BACH2: variants seen among roughly 807,000 people sequenced by gnomAD.
The protein encoded by BACH2 is BACH transcriptional regulator 2, also known as transcription regulator protein BACH2.
A neutral mutation model predicts 61.8 loss-of-function variants in BACH2; 5 were observed. The ratio of observed to expected loss-of-function variants is 0.08; its 90% confidence interval spans 0.04 to 0.17. BACH2 has a LOEUF of 0.17. Among genes scored for constraint, BACH2 ranks in the 10% least tolerant of loss-of-function variants. The pLI is 1.00. For missense variants in BACH2, 824 were observed against 1,091.1 expected (o/e 0.76, Z 3.45); for synonymous variants, 446 against 440.1 (o/e 1.01, Z -0.17).
intron 6 of BACH2, among the ~76,000 whole-genome samples, chr6:89,966,029 G>T (rs1775029342): frequency 6.6e-6 from 1 of 152,192 alleles, no homozygotes; most frequent in Non-Finnish European, 1.5e-5. Context: ...AAATTCTGAA[G>T]ATGTATGTAT....
chr6:90,230,351 C>T lies in BACH2; in HGVS notation c.-275+22162G>A, dbSNP rs140609157. Among the ~76,000 whole-genome samples, 3 of 152,318 alleles carry T rather than the reference C, an allele frequency of 2.0e-5. No homozygotes were observed. The East Asian group carries it at 5.8e-4, about 29-fold the overall frequency. On this transcript the variant is annotated intron_variant, in intron 3 of 8. Coordinates refer to ENST00000257749, the MANE Select transcript of BACH2 (RefSeq NM_021813.4). ...CATAGCAAATGTTCAATTTTAATCA[C>T]ATGCATCATACCTATACATGTGTAC...
intron 4 of BACH2, chr6:90,116,934 C>T (rs1445359597): frequency 9.1e-6 from 4 of 440,068 alleles, no homozygotes; most frequent in Non-Finnish European, 1.2e-5. Flanking sequence ...TGTCCAAGTA[C>T]ATGTGCAGCT....
chr6:90,189,627 A>G (rs2127844191), intron 4 of BACH2, among the ~76,000 whole-genome samples: 1 of 150,866 alleles, frequency 6.6e-6, no homozygotes, highest in South Asian at 2.1e-4. Context: ...AAAAAAAAAA[A>G]AAAAAAAAAA....
intron 4 of BACH2, among the ~76,000 whole-genome samples, chr6:90,167,263 G>C (rs761936098): frequency 1.4e-4 from 22 of 152,314 alleles, no homozygotes; most frequent in Middle Eastern, 6.8e-3. Context: ...AAACTAGTTA[G>C]TGAACCAAGG....
intron 5 of BACH2, among the ~76,000 whole-genome samples, chr6:90,066,973 A>G (rs927011056): frequency 6.6e-6 from 1 of 152,228 alleles, no homozygotes; most frequent in Non-Finnish European, 1.5e-5. Flanking sequence ...TATAGAAAGG[A>G]TGGGTGACGT....
intron 4 of BACH2, among the ~76,000 whole-genome samples, chr6:90,180,361 TA>T (rs1768117198): frequency 6.6e-6 from 1 of 152,214 alleles, no homozygotes; most frequent in Non-Finnish European, 1.5e-5. Context: ...ATTATGAACT[TA>T]AAATTGCACT....
At chr6:90,177,149 T>C (rs1330175163) in intron 4 of BACH2, among the ~76,000 whole-genome samples, 3 of 152,232 alleles carry the variant, frequency 2.0e-5, no homozygotes, top group Admixed American at 6.5e-5. Flanking sequence ...CAACACTTCA[T>C]TCTGAAGCCT....
At chr6:90,081,814 C>T (rs1213805498) in intron 5 of BACH2, among the ~76,000 whole-genome samples, 2 of 152,126 alleles carry the variant, frequency 1.3e-5, no homozygotes, top group African/African-American at 4.8e-5. Context: ...GATGAATCTT[C>T]TAACAATTCC....
intron 4 of BACH2, among the ~76,000 whole-genome samples, chr6:90,147,442 G>A (rs184466450): frequency 7.2e-5 from 11 of 152,190 alleles, no homozygotes; most frequent in East Asian, 5.8e-4. Flanking sequence ...ACATGCTGCC[G>A]TAACAGTACA....
chr6:90,110,552 T>C (rs1459439609), intron 4 of BACH2, among the ~76,000 whole-genome samples: 2 of 152,214 alleles, frequency 1.3e-5, no homozygotes, highest in African/African-American at 4.8e-5. Context: ...CTTAATGTAT[T>C]GGGAAGTTAT....
intron 6 of BACH2, among the ~76,000 whole-genome samples, chr6:89,958,736 A>C (rs1383282158): frequency 1.3e-5 from 2 of 152,164 alleles, no homozygotes; most frequent in African/African-American, 4.8e-5. Context: ...TAGAGGAGGT[A>C]ACACTTGCCA....
intron 2 of BACH2, among the ~76,000 whole-genome samples, chr6:90,264,653 T>C (rs1026831785): frequency 2.0e-5 from 3 of 152,354 alleles, no homozygotes; most frequent in Non-Finnish European, 4.4e-5. Context: ...AGACATGATG[T>C]TGACTCAATT....
chr6:90,092,291 A>AATATAT (rs1167228249), intron 4 of BACH2, among the ~76,000 whole-genome samples: 1 of 113,836 alleles, frequency 8.8e-6, no homozygotes, highest in African/African-American at 3.6e-5. Context: ...AAAAAAAAAA[A>AATATAT]ATATATATAT....
chr6:90,122,473 C>G (rs956728684), intron 4 of BACH2, among the ~76,000 whole-genome samples: 5 of 152,182 alleles, frequency 3.3e-5, no homozygotes, highest in African/African-American at 1.2e-4. Flanking sequence ...TACATGGCCA[C>G]ACTCATTTTA....
chr6:90,055,536 T>G (rs1008686384), intron 5 of BACH2, among the ~76,000 whole-genome samples: 5 of 152,002 alleles, frequency 3.3e-5, no homozygotes, highest in Admixed American at 2.6e-4. Flanking sequence ...GGAACCAAGT[T>G]GGAAAACACT....
At chr6:89,944,960 A>G (rs1426927808) in intron 7 of BACH2, among the ~76,000 whole-genome samples, 1 of 152,172 alleles carries the variant, frequency 6.6e-6, no homozygotes, top group African/African-American at 2.4e-5. Flanking sequence ...ATAAACCATA[A>G]TGAGATAAAC....
chr6:90,236,439 G>GAA (rs1770262988), intron 3 of BACH2, among the ~76,000 whole-genome samples: 1 of 152,216 alleles, frequency 6.6e-6, no homozygotes, highest in African/African-American at 2.4e-5. Context: ...CCAGGGCACA[G>GAA]AAAGAGTAGA....
intron 3 of BACH2, among the ~76,000 whole-genome samples, chr6:90,219,655 C>T (rs1769669736): frequency 6.6e-6 from 1 of 152,202 alleles, no homozygotes; most frequent in Non-Finnish European, 1.5e-5. Flanking sequence ...GGCTCTACCC[C>T]TTCCTCATCT....
At position 89,996,496 on chromosome 6, in the gene BACH2, C is replaced by T. The variant is rs1201480463; in HGVS notation, c.243+12106G>A. Among the ~76,000 whole-genome samples the T allele has an allele frequency of 2.0e-5, 3 of 152,126 alleles. No individual in the cohort carries two copies. In the East Asian group the frequency reaches 5.8e-4, roughly 29 times the overall value. On this transcript the variant is annotated intron_variant, in intron 6 of 8. Coordinates refer to ENST00000257749, the MANE Select transcript of BACH2 (RefSeq NM_021813.4). ...AAATTTTATTCTTCCATAGTAAGGC[C>T]CCATGTAGTGAGACCATATTTTGAC...
Sources: gnomAD v4.1 joint callset for allele counts (sites outside exome capture counted in the v4.1 genomes callset) on GRCh38, gnomAD v4.1.1 for gene constraint, MANE v1.5 for transcripts, NCBI Gene and HGNC (gene_info 2026-07-23, HGNC 2026-07-21) for gene names.